The following ZFP64 variants were observed in gnomAD, a reference collection of about 807,000 sequenced individuals.
ZFP64 encodes zinc finger protein 64.
A neutral mutation model predicts 51.6 loss-of-function variants in ZFP64; 14 were observed. The observed-to-expected ratio is 0.27, with a 90% CI of 0.18 to 0.42. ZFP64 has a LOEUF of 0.42. Among genes scored for constraint, ZFP64 ranks in the 10% least tolerant of loss-of-function variants. The pLI is 1.00. For missense variants in ZFP64, 754 were observed against 906.8 expected (o/e 0.83, Z 2.16); for synonymous variants, 375 against 361.4 (o/e 1.04, Z -0.43).
intron 5 of ZFP64, among the ~76,000 whole-genome samples, chr20:52,109,979 A>C (rs1978472178): frequency 6.6e-6 from 1 of 151,976 alleles, no homozygotes; most frequent in African/African-American, 2.4e-5. Flanking sequence ...CATTCTTCAT[A>C]TATTGCCTTT....
At chr20:52,149,117 G>C (rs1354743744), downstream of ZFP64, among the ~76,000 whole-genome samples, 1 of 152,090 alleles carries the variant, frequency 6.6e-6, no homozygotes, top group Non-Finnish European at 1.5e-5. Context: ...AGTGCACAAA[G>C]GCCAGATAAC....
At chr20:52,098,842 A>T (rs1275811824) in intron 5 of ZFP64, among the ~76,000 whole-genome samples, 1 of 152,004 alleles carries the variant, frequency 6.6e-6, no homozygotes, top group Non-Finnish European at 1.5e-5. Context: ...TCTCTACTAA[A>T]AATACAAGAA....
At position 52,091,197 on chromosome 20, in the gene ZFP64, C is replaced by T. The variant is rs554617189; in HGVS notation, c.977-2554G>A. On this transcript the variant is annotated intron_variant, in intron 7 of 8. Coordinates refer to the ZFP64 transcript ENST00000361387. ...AAACAAAAACGTATTACATTTCCCT[C>T]TTAAAGATTTAAATTATAGGTCAGG... Among the ~76,000 whole-genome samples, 30 of 152,238 alleles carry T rather than the reference C, an allele frequency of 2.0e-4. No individual in the cohort carries two copies. The South Asian group carries it at 5.0e-3, about 25-fold the overall frequency.
chr20:52,189,528 T>A (rs1984222608), intron 1 of ZFP64, among the ~76,000 whole-genome samples: 1 of 151,050 alleles, frequency 6.6e-6, no homozygotes, highest in Non-Finnish European at 1.5e-5. Context: ...CAGGCTGGAG[T>A]GCAAGGGCAC....
intron 5 of ZFP64, chr20:52,117,736 T>C: frequency 2.2e-6 from 1 of 448,408 alleles, no homozygotes; most frequent in Admixed American, 2.5e-5. Context: ...TAGGTTTGCA[T>C]TCAACTTGCC....
intron 5 of ZFP64, among the ~76,000 whole-genome samples, chr20:52,138,540 A>G (rs554208095): frequency 3.3e-5 from 5 of 152,210 alleles, no homozygotes; most frequent in Non-Finnish European, 5.9e-5. Flanking sequence ...TTAAGGCCAA[A>G]AGCTATTATT....
intron 5 of ZFP64, chr20:52,104,628 C>A: frequency 2.2e-6 from 1 of 464,236 alleles, no homozygotes; most frequent in Non-Finnish European, 4.5e-6. Context: ...GTTCCCTCGG[C>A]CTGGAATGCT....
chr20:52,130,735 T>C (rs932275410), intron 5 of ZFP64, among the ~76,000 whole-genome samples: 1 of 152,090 alleles, frequency 6.6e-6, no homozygotes, highest in Non-Finnish European at 1.5e-5. Context: ...TCTTAGTATT[T>C]TCCACATTAC....
At chr20:52,186,489 A>C (rs6123139) in intron 2 of ZFP64, among the ~76,000 whole-genome samples, 20,127 of 151,036 alleles carry the variant, frequency 0.13, 2,038 homozygotes, top group African/African-American at 0.28. Flanking sequence ...GATTGTACCC[A>C]TACTTCCACC....
chr20:52,100,844 G>GA (rs1036565012), intron 5 of ZFP64, among the ~76,000 whole-genome samples: 5 of 152,116 alleles, frequency 3.3e-5, no homozygotes, highest in South Asian at 2.1e-4. Flanking sequence ...TAAACAAGAT[G>GA]AAAAAATATA....
At chr20:52,171,307 C>T (rs1188823140) in intron 2 of ZFP64, among the ~76,000 whole-genome samples, 4 of 152,252 alleles carry the variant, frequency 2.6e-5, no homozygotes, top group Non-Finnish European at 5.9e-5. Flanking sequence ...TGGTTGTTTG[C>T]ATGTGATTTG....
chr20:52,150,466 A>G (rs898648509), downstream of ZFP64, among the ~76,000 whole-genome samples: 10 of 152,188 alleles, frequency 6.6e-5, no homozygotes, highest in African/African-American at 2.4e-4. Flanking sequence ...CAGTTTTTCT[A>G]AAGGGCTGTA....
In ZFP64 at chr20:52,191,658, C is replaced by T. The variant is rs746702432; in HGVS notation, c.-22G>A. 7.9e-5 allele frequency: 125 copies of T among 1,575,092 alleles called. No individual in the cohort carries two copies. The highest frequency in any genetic ancestry group is 9.7e-5 in the Non-Finnish European group (113 of 1,164,456). ...TCATGGCCGCAGACTGGGAGGTCCC[C>T]GGCCGGCCGGGATGCCAAAGTGGGG... On this transcript the variant is annotated 5_prime_UTR_variant, in exon 1 of 6. Coordinates refer to ENST00000216923, the MANE Select transcript of ZFP64 (RefSeq NM_018197.3). The surrounding 1 kb of genome is among the most constrained non-coding windows in gnomAD (Gnocchi z 4.3).
intron 7 of ZFP64, among the ~76,000 whole-genome samples, chr20:52,090,850 CCAA>C (rs1231438865): frequency 3.5e-5 from 5 of 141,060 alleles, no homozygotes; most frequent in Admixed American, 2.9e-4. Flanking sequence ...ATCTGTAATC[CCAA>C]CACTTTTGAG....
intron 7 of ZFP64, among the ~76,000 whole-genome samples, chr20:52,090,099 T>C (rs2078907009): frequency 6.6e-6 from 1 of 152,100 alleles, no homozygotes; most frequent in African/African-American, 2.4e-5. Context: ...TGGTCCAGGA[T>C]AGAACTGAGA....
rs62215780 is a variant in ZFP64 at position 52,190,655 on chromosome 20, G to T, written c.46+936C>A. On this transcript the variant is annotated intron_variant, in intron 1 of 5. Transcript: ENST00000216923. ...AGGAGATACTGAGTCATAACAGGGT[G>T]GGGTGGGGAGGATGGTGTTTAGGAA... Among the ~76,000 whole-genome samples, 642 of 152,236 alleles carry T rather than the reference G, an allele frequency of 4.2e-3. 3 individuals carry two copies. The highest frequency in any genetic ancestry group is 7.1e-3 in the Non-Finnish European group (484 of 68,020).
At position 52,165,879 on chromosome 20, in the gene ZFP64, T is replaced by G. The variant is rs1982222785; in HGVS notation, c.433A>C (p.Asn145His). 1 of 1,614,004 alleles carries G rather than the reference T, an allele frequency of 6.2e-7. No individual in the cohort carries two copies. Among genetic ancestry groups the G allele is most frequent in the Admixed American group, 1.7e-5 (1 of 59,996 alleles). The change falls in exon 3 of 6, where the codon AAC (asparagine) becomes CAC (histidine). Residue 145 changes from asparagine (N) to histidine (H), a missense_variant. Asn to His is a moderately conservative substitution (Grantham distance 68, BLOSUM62 1). Transcript: ENST00000216923. ...CTGCCTTTACCTGGATAGCAACAGT[T>G]AAGCCTTTTCTGAGCAGGTGGTGTT... ...PTTPPAQKRL[N>H]CCYPGCQFKT...
At chr20:52,114,894 C>G (rs1205121748) in intron 5 of ZFP64, among the ~76,000 whole-genome samples, 1 of 152,110 alleles carries the variant, frequency 6.6e-6, no homozygotes, top group Non-Finnish European at 1.5e-5. Flanking sequence ...GAGGTTTAGC[C>G]AGATCATGAA....
intron 5 of ZFP64, among the ~76,000 whole-genome samples, chr20:52,157,629 C>T (rs1195686225): frequency 1.3e-5 from 2 of 152,142 alleles, no homozygotes; most frequent in African/African-American, 4.8e-5. Context: ...ATGCTATGGA[C>T]CAGGGACTGA....
Sources: gnomAD v4.1 joint callset for allele counts (sites outside exome capture counted in the v4.1 genomes callset) on GRCh38, gnomAD v4.1.1 for gene constraint, Gnocchi (gnomAD v3.1) non-coding constraint, MANE v1.5 for transcripts, NCBI Gene and HGNC (gene_info 2026-07-23, HGNC 2026-07-21) for gene names.